NLRC5: variants seen among roughly 807,000 people sequenced by gnomAD.
NLRC5 encodes the protein NLR family CARD domain containing 5.
In NLRC5, 114 loss-of-function variants were observed where a neutral mutation model predicts 206.9. The observed-to-expected ratio is 0.55, with a 90% CI of 0.47 to 0.64. NLRC5 has a LOEUF of 0.64. NLRC5 is among the 30% of genes least tolerant of loss of function. NLRC5 has a pLI of 0.00. For missense variants in NLRC5, 2,008 were observed against 2,305.5 expected, an observed-to-expected ratio of 0.87 and a Z score of 2.64; for synonymous variants, 952 against 962.8, an observed-to-expected ratio of 0.99 and a Z score of 0.21.
chr16:57,024,327 C>T (rs1248588152), intron 5 of NLRC5, among the ~76,000 whole-genome samples: 1 of 152,164 alleles, frequency 6.6e-6, no homozygotes, highest in African/African-American at 2.4e-5. Context: ...AGAAAGGGGA[C>T]TTCTCTCATT....
In NLRC5 at chr16:57,034,262, C is replaced by T. The variant is rs370573315; in HGVS notation, c.2627+11C>T. 271 of 1,440,048 alleles carry T rather than the reference C, an allele frequency of 1.9e-4. 1 individual carries two copies. Among genetic ancestry groups the T allele is most frequent in the Admixed American group, 7.4e-5 (4 of 54,292 alleles). 89.2% of individuals were successfully genotyped at this position (1,440,048 alleles called of 1,614,324 possible). ...CCTGGAGGAAGTGGAGTGAGTATCACGGGAAGCCCTGGCGTAGGAGCCAGG... is the reference window on the plus strand; with the variant it reads ...CCTGGAGGAAGTGGAGTGAGTATCATGGGAAGCCCTGGCGTAGGAGCCAGG... On this transcript the variant is annotated intron_variant, in intron 13 of 48. Transcript: ENST00000688547.
At position 57,026,682 on chromosome 16, in the gene NLRC5, TG is replaced by T. The variant is rs751394446; in HGVS notation, c.1741del (p.Ala581ArgfsTer15). On this transcript the variant is annotated frameshift_variant, in exon 6 of 49. Coordinates refer to ENST00000688547, the MANE Select transcript of NLRC5 (RefSeq NM_001384950.1). LOFTEE classifies it high-confidence loss of function. ...SCTCRPFLSH[L>X]AQGNEDCVGA... is the part of the protein sequence containing the mutation. ...ACCTGCCGCCCCTTCCTTAGCCACC[TG>T]GCGCAGGGCAATGAGGACTGTGTGG... is the stretch of plus-strand genomic sequence containing the variant. The T allele has an allele frequency of 6.2e-7, 1 of 1,614,076 alleles. No individual in the cohort carries two copies. The highest frequency in any genetic ancestry group is 8.5e-7 in the Non-Finnish European group (1 of 1,179,958).
At chr16:57,028,524 C>G (rs1209144653) in intron 8 of NLRC5, 139 bp downstream of exon 8, 1 of 680,518 alleles carries the variant, frequency 1.5e-6, no homozygotes, top group Non-Finnish European at 2.6e-6. Context: ...GGCATCAGTC[C>G]AAGTACTCAG....
At chr16:57,003,826 G>A (rs2058585003) in intron 1 of NLRC5, 1 of 152,152 alleles carries the variant, frequency 6.6e-6, no homozygotes, top group Non-Finnish European at 1.5e-5. Context: ...CTGCTTCTAG[G>A]GACCTGACCT....
chr16:57,026,284 C>A lies in NLRC5; in HGVS notation c.1341C>A (p.Ser447Arg), dbSNP rs1298795964. The change falls in exon 6 of 49, where the codon AGC becomes AGA. Residue 447 changes from serine to arginine, a missense_variant. Transcript: ENST00000688547. ...ATATGCAGATGGTGCTCGCCCTCAG[C>A]CCCCCTGGGCACTTGCCCACCTCGT... is the stretch of plus-strand genomic sequence containing the variant. ...QLYMQMVLAL[S>R]PPGHLPTSSL... is the part of the protein sequence containing the mutation. 7 of 1,613,870 alleles carry A rather than the reference C, an allele frequency of 4.3e-6. No homozygotes were observed. The highest frequency in any genetic ancestry group is 1.3e-5 in the African/African-American group (1 of 74,940).
chr16:57,070,723 A>T, intron 38 of NLRC5, 105 bp downstream of exon 38: 26 of 810,796 alleles, frequency 3.2e-5, no homozygotes, highest in African/African-American at 5.1e-5. Flanking sequence ...GAAGTGGGTG[A>T]GTGGTGGGGT....
intron 14 of NLRC5, among the ~76,000 whole-genome samples, 180 bp from the exon 15 acceptor site, chr16:57,037,015 T>A (rs1252552736): frequency 6.6e-6 from 1 of 151,628 alleles, no homozygotes; most frequent in African/African-American, 2.4e-5. Flanking sequence ...GGGATGGGGG[T>A]GTCATGCATT....
chr16:56,991,265 G>A (rs1233697914), intron 1 of NLRC5: 1 of 152,080 alleles, frequency 6.6e-6, no homozygotes, highest in Admixed American at 6.6e-5. Flanking sequence ...CAGATACAGA[G>A]CTGTCCGGGT....
chr16:57,007,902 TTGTCTGTGA>T (rs2059097056), intron 1 of NLRC5, among the ~76,000 whole-genome samples: 1 of 152,252 alleles, frequency 6.6e-6, no homozygotes, highest in Admixed American at 6.5e-5. Flanking sequence ...ATTTATAACC[TTGTCTGTGA>T]TGCAGATATT....
intron 40 of NLRC5, 80 bp downstream of exon 40, chr16:57,076,982 G>T: frequency 2.4e-6 from 3 of 1,237,960 alleles, no homozygotes; most frequent in Non-Finnish European, 3.6e-6. Context: ...ACCTGAGCAC[G>T]CCCTTTGCTT....
rs549394817 is a variant in NLRC5, at chr16:57,061,666, C to T, written c.4119C>T (p.Ser1373=). The part of the protein sequence containing the change: ...LGQKQLAILL[S]LVGRPAGLFS... ...AGAAGCAGCTGGCCATCCTCCTGAGCTTGGTGGGGCGACCCGCAGGGCTGT... is the reference window on the plus strand; with the variant it reads ...AGAAGCAGCTGGCCATCCTCCTGAGTTTGGTGGGGCGACCCGCAGGGCTGT... The change falls in exon 32 of 49, where the codon AGC becomes AGT. Residue 1373 remains serine, a synonymous_variant. Transcript: ENST00000688547. The T allele has an allele frequency of 2.5e-6, 4 of 1,609,698 alleles. No individual in the cohort carries two copies. Among genetic ancestry groups the T allele is most frequent in the East Asian group, 2.2e-5 (1 of 44,870 alleles).
At position 57,082,512 on chromosome 16, in the gene NLRC5, C is replaced by T. The variant is rs777896729; in HGVS notation, c.5585C>T (p.Ala1862Val). ...DFAFFDNQPQ[A>V]PWGT is the part of the protein sequence containing the mutation. ...GCCTTCTTTGACAACCAGCCCCAGG[C>T]CCCTTGGGGTACTTGATGGCCCCCT... The change falls in exon 49 of 49, where the codon GCC (alanine) becomes GTC (valine). Residue 1862 changes from alanine (A) to valine (V), a missense_variant. Coordinates refer to ENST00000688547, the MANE Select transcript of NLRC5 (RefSeq NM_001384950.1). 11 of 1,612,846 alleles carry T rather than the reference C, an allele frequency of 6.8e-6. No homozygotes were observed. The highest frequency in any genetic ancestry group is 1.3e-5 in the African/African-American group (1 of 75,038).
chr16:57,057,266 C>G (rs2065796782), intron 27 of NLRC5, among the ~76,000 whole-genome samples: 1 of 152,070 alleles, frequency 6.6e-6, no homozygotes, highest in Non-Finnish European at 1.5e-5. Context: ...ACTAAAAATA[C>G]AAAAATAATT....
rs751429831 is a variant in NLRC5 at position 57,033,643 on chromosome 16, G to A, written c.2517G>A (p.Gly839=). Residue 839 remains glycine, a synonymous_variant, in exon 12 of 49, where the codon GGG becomes GGA. Transcript: ENST00000688547. ...AGGAAAGTGACGGCCAGAGGAAAGG[G>A]GCTCAGAGCAGAAGCTTGACGCTCA... The part of the protein sequence containing the change: ...DLQESDGQRK[G]AQSRSLTLRL... 2.5e-6 allele frequency: 4 copies of A among 1,614,114 alleles called. No individual in the cohort carries two copies. Among genetic ancestry groups the A allele is most frequent in the Non-Finnish European group, 3.4e-6 (4 of 1,180,000 alleles).
intron 23 of NLRC5, chr16:57,047,907 A>C: frequency 2.1e-6 from 1 of 476,474 alleles, no homozygotes; most frequent in Non-Finnish European, 3.8e-6. Context: ...AGCCCTGTCC[A>C]CCTCCAACCC....
intron 11 of NLRC5, 39 bp from the exon 12 acceptor site, chr16:57,033,565 T>C: frequency 6.2e-7 from 1 of 1,603,224 alleles, no homozygotes. Context: ...AGGCCCTAGA[T>C]GCCTGAGCCC....
At chr16:57,039,973 G>A in intron 16 of NLRC5, 124 bp downstream of exon 16, 1 of 869,264 alleles carries the variant, frequency 1.2e-6, no homozygotes, top group Non-Finnish European at 1.8e-6. Context: ...CGGAAGAGCG[G>A]GAAGTGAGCA....
intron 2 of NLRC5, among the ~76,000 whole-genome samples, chr16:57,019,403 A>G (rs1488524315): frequency 2.0e-5 from 3 of 152,180 alleles, no homozygotes; most frequent in Admixed American, 6.5e-5. Flanking sequence ...TCTCAAAAAA[A>G]AAAGAGTTCC....
In NLRC5 at chr16:57,067,717, T is replaced by G. The variant is rs1394507282; in HGVS notation, c.4407-19T>G. 1 of 1,610,482 alleles carries G rather than the reference T, an allele frequency of 6.2e-7. No individual in the cohort carries two copies. On this transcript the variant is annotated intron_variant, in intron 35 of 48. Transcript: ENST00000688547. ...GTGTCCAGCCTGAAATCCTCTAGAA[T>G]ATCCTTGGACCTTTTCAGCTTGTCT...
Sources: gnomAD v4.1 joint callset for allele counts (sites outside exome capture counted in the v4.1 genomes callset) on GRCh38, gnomAD v4.1.1 for gene constraint, MANE v1.5 for transcripts, NCBI Gene and HGNC (gene_info 2026-07-23, HGNC 2026-07-21) for gene names.